The following SNX29 variants were observed in gnomAD, a reference collection of about 807,000 sequenced individuals.
The protein encoded by SNX29 is sorting nexin-29.
SNX29 carries 78 observed loss-of-function variants against 102.1 expected under a neutral mutation model. The ratio of observed to expected loss-of-function variants is 0.76; its 90% CI spans 0.64 to 0.92. The LOEUF is 0.92. Among genes scored for constraint, SNX29 ranks in the 40% least tolerant of loss-of-function variants. The pLI is 0.00. For missense variants in SNX29, 1,280 were observed against 1,061.7 expected, an observed-to-expected ratio of 1.21 and a Z score of -2.86; for synonymous variants, 580 against 414.5, an observed-to-expected ratio of 1.40 and a Z score of -4.85.
chr16:12,395,055 A>G (rs1230020947), intron 16 of SNX29, among the ~76,000 whole-genome samples: 1 of 151,466 alleles, frequency 6.6e-6, no homozygotes, highest in African/African-American at 2.4e-5. Flanking sequence ...AGGAGGTGTA[A>G]TTTTTCTTCT....
chr16:12,309,351 A>G (rs1567422771), intron 15 of SNX29, among the ~76,000 whole-genome samples: 1 of 152,198 alleles, frequency 6.6e-6, no homozygotes, highest in Non-Finnish European at 1.5e-5. Context: ...AAAACCTGCG[A>G]GGGCTCACTG....
At chr16:12,479,143 G>T (rs992336845) in intron 19 of SNX29, among the ~76,000 whole-genome samples, 3 of 152,184 alleles carry the variant, frequency 2.0e-5, no homozygotes, top group African/African-American at 7.2e-5. Flanking sequence ...TGATTCACAC[G>T]CTCTGGGGCT....
intron 19 of SNX29, among the ~76,000 whole-genome samples, chr16:12,484,526 C>T (rs114526152): frequency 0.01 from 1,599 of 152,290 alleles, 31 homozygotes; most frequent in African/African-American, 0.036. Context: ...ACTGTGGCCT[C>T]AGAGGTGTCC....
In SNX29 at chr16:12,231,675, G is replaced by T. The variant is rs150831756; in HGVS notation, c.1678+31992G>T. Reference sequence around the variant, plus strand: ...GGTCTCATAGGCAGAATTGTTGAATGAAGTGCTAAGGTTTTTCTGACTTCT... The same window carrying T: ...GGTCTCATAGGCAGAATTGTTGAATTAAGTGCTAAGGTTTTTCTGACTTCT... On this transcript the variant is annotated intron_variant, in intron 14 of 20. Transcript: ENST00000566228. 2.0e-5 allele frequency among the ~76,000 whole-genome samples: 3 copies of T among 152,356 alleles called. No individual in the cohort carries two copies. The East Asian group carries it at 5.8e-4, about 29-fold the overall frequency.
intron 1 of SNX29, among the ~76,000 whole-genome samples, chr16:11,991,797 C>G (rs997847016): frequency 2.0e-5 from 3 of 151,558 alleles, no homozygotes; most frequent in African/African-American, 7.3e-5. Context: ...AAGTGATCCA[C>G]CCACTTTGGC....
Position 12,076,593 on chromosome 16 carries a change from C to T in SNX29, c.1320-2240C>T, listed in dbSNP as rs373997368. On this transcript the variant is annotated intron_variant, in intron 10 of 20. Transcript: ENST00000566228. ...CTGGGATTCCAGGCGTGAGCCACCA[C>T]GCCCAGCCTGGTCATAACATTTTTA... is the stretch of plus-strand genomic sequence containing the variant. Among the ~76,000 whole-genome samples the T allele has an allele frequency of 5.5e-4, 84 of 152,310 alleles. 1 individual carries two copies. The South Asian group carries it at 0.015, about 27-fold the overall frequency.
At chr16:12,125,014 G>T (rs1426386568) in intron 11 of SNX29, among the ~76,000 whole-genome samples, 2 of 152,186 alleles carry the variant, frequency 1.3e-5, no homozygotes, top group Admixed American at 1.3e-4. Context: ...AACAAATCAT[G>T]GGCTGCGCGG....
chr16:12,334,669 G>A (rs2081394260), intron 15 of SNX29, among the ~76,000 whole-genome samples: 2 of 152,076 alleles, frequency 1.3e-5, no homozygotes, highest in African/African-American at 2.4e-5. Flanking sequence ...GAACATTCGG[G>A]CCATTTCCCA....
intron 1 of SNX29, chr16:11,977,807 G>T (rs1567485687): frequency 2.0e-5 from 3 of 152,248 alleles, no homozygotes; most frequent in African/African-American, 7.2e-5. Context: ...GTTGTATGTG[G>T]AGATGGGAGT....
At chr16:12,465,883 C>T (rs908092496) in intron 18 of SNX29, among the ~76,000 whole-genome samples, 13 of 151,322 alleles carry the variant, frequency 8.6e-5, no homozygotes, top group Middle Eastern at 3.4e-3. Context: ...TACTTTTAAG[C>T]ATATAGATAT....
intron 15 of SNX29, among the ~76,000 whole-genome samples, chr16:12,298,775 C>G (rs1035923410): frequency 6.6e-6 from 1 of 152,060 alleles, no homozygotes; most frequent in Non-Finnish European, 1.5e-5. Context: ...TCCCCAGGGG[C>G]CCAGGGGTGA....
At chr16:12,012,153 G>A (rs919806941) in intron 3 of SNX29, among the ~76,000 whole-genome samples, 1 of 152,194 alleles carries the variant, frequency 6.6e-6, no homozygotes, top group African/African-American at 2.4e-5. Context: ...CATGTAAATT[G>A]TGGGCAATTA....
At chr16:12,519,889 T>C (rs2090028513) in intron 19 of SNX29, among the ~76,000 whole-genome samples, 2 of 152,022 alleles carry the variant, frequency 1.3e-5, no homozygotes, top group South Asian at 2.1e-4. Context: ...GCCCCTGTAG[T>C]CCCAGCTACT....
In SNX29 at chr16:12,568,549, G is replaced by C; in HGVS notation, c.2362G>C (p.Ala788Pro). 2 of 1,609,460 alleles carry C rather than the reference G, an allele frequency of 1.2e-6. No individual in the cohort carries two copies. Among genetic ancestry groups the C allele is most frequent in the African/African-American group, 1.3e-5 (1 of 75,022 alleles). Reference sequence around the variant, plus strand: ...AGAGCCTGTGAACAGCCGGCCCAAAGCAGCTTCCCGCTTCCCCAAACTGTC... The same window carrying C: ...AGAGCCTGTGAACAGCCGGCCCAAACCAGCTTCCCGCTTCCCCAAACTGTC... ...PGEPVNSRPK[A>P]ASRFPKLSRG... The change falls in exon 21 of 21, where the codon GCA becomes CCA. Residue 788 changes from alanine (A) to proline (P), a missense_variant. Ala to Pro is a conservative substitution (Grantham distance 27). Coordinates refer to ENST00000566228, the MANE Select transcript of SNX29 (RefSeq NM_032167.5).
rs568205256 is a variant in SNX29 at position 12,509,916 on chromosome 16, A to G, written c.2179-14786A>G. ...CCCTGCCACAGGCAGCTGCTCCAAT[A>G]GCCTCAGCATGTATCTGTAAATTTG... On this transcript the variant is annotated intron_variant, in intron 19 of 20. Transcript: ENST00000566228. 2.0e-5 allele frequency among the ~76,000 whole-genome samples: 3 copies of G among 152,352 alleles called. No individual in the cohort carries two copies. The South Asian group carries it at 6.2e-4, about 32-fold the overall frequency.
At chr16:12,092,614 G>A (rs1027096718) in intron 11 of SNX29, among the ~76,000 whole-genome samples, 5 of 152,168 alleles carry the variant, frequency 3.3e-5, no homozygotes, top group Admixed American at 3.3e-4. Flanking sequence ...GTAGTAGGTC[G>A]CTTGACCTCT....
intron 20 of SNX29, among the ~76,000 whole-genome samples, chr16:12,553,528 G>A (rs1452774804): frequency 3.9e-5 from 6 of 152,130 alleles, no homozygotes; most frequent in Admixed American, 1.3e-4. Flanking sequence ...GCTGGAGGAG[G>A]GACCCCACAG....
At chr16:12,236,165 T>TCATCAAATA (rs1203329861) in intron 14 of SNX29, among the ~76,000 whole-genome samples, 1 of 152,168 alleles carries the variant, frequency 6.6e-6, no homozygotes, top group African/African-American at 2.4e-5. Context: ...GACATAAATC[T>TCATCAAATA]CATCAAATAC....
chr16:12,314,336 CA>C (rs2080662051), intron 15 of SNX29, among the ~76,000 whole-genome samples: 1 of 152,228 alleles, frequency 6.6e-6, no homozygotes, highest in African/African-American at 2.4e-5. Context: ...GAATGGTCTG[CA>C]GATGTAACAT....
Sources: allele counts gnomAD v4.1 joint callset (sites outside exome capture counted in the v4.1 genomes callset), GRCh38; gene constraint gnomAD v4.1.1; transcripts MANE v1.5; gene names NCBI Gene and HGNC (gene_info 2026-07-23, HGNC 2026-07-21).